CNTN1: variants seen among roughly 807,000 people sequenced by gnomAD.
The protein encoded by CNTN1 is contactin 1.
A neutral mutation model predicts 126.4 loss-of-function variants in CNTN1; 38 were observed. That is an observed-to-expected ratio of 0.30 (90% CI 0.23 to 0.39). The LOEUF is 0.39. Among genes scored for constraint, CNTN1 ranks in the 10% least tolerant of loss-of-function variants. The pLI, the probability that CNTN1 is intolerant of heterozygous loss-of-function variation, is 1.00. For synonymous variants in CNTN1, 413 were observed against 422.6 expected, an observed-to-expected ratio of 0.98 and a Z score of 0.28; for missense variants, 1,009 against 1,248.4, an observed-to-expected ratio of 0.81 and a Z score of 2.89.
chr12:40,735,356 C>T (rs555957379), intron 1 of CNTN1, among the ~76,000 whole-genome samples: 4 of 152,122 alleles, frequency 2.6e-5, no homozygotes, highest in South Asian at 2.1e-4. Flanking sequence ...AAGAAAGAAA[C>T]GTAACTAGAA....
At chr12:40,885,798 T>C (rs1944009328) in intron 1 of CNTN1, among the ~76,000 whole-genome samples, 1 of 152,088 alleles carries the variant, frequency 6.6e-6, no homozygotes, top group South Asian at 2.1e-4. Flanking sequence ...GTATGTCATT[T>C]TGGAAAACTT....
chr12:40,853,785 G>C lies in CNTN1; in HGVS notation c.-76-54572G>C, dbSNP rs113861961. Among the ~76,000 whole-genome samples the C allele has an allele frequency of 1.1e-4, 16 of 151,484 alleles. 1 individual carries two copies. In the South Asian group the frequency reaches 3.3e-3, roughly 32 times the overall value. ...TCTAGCTCCCTCTCTAGCTCTATCC[G>C]TCTCCTTTCCCAAGCCCCTCTGCCC... On this transcript the variant is annotated intron_variant, in intron 1 of 23. Coordinates refer to ENST00000551295, the MANE Select transcript of CNTN1 (RefSeq NM_001843.4).
At chr12:40,973,029 G>A (rs2137050637) in intron 15 of CNTN1, among the ~76,000 whole-genome samples, 1 of 152,036 alleles carries the variant, frequency 6.6e-6, no homozygotes, top group East Asian at 1.9e-4. Context: ...AAATTCTAAA[G>A]GAAATCATAG....
chr12:40,948,366 A>AT (rs1287169744), intron 14 of CNTN1, among the ~76,000 whole-genome samples: 1 of 151,146 alleles, frequency 6.6e-6, no homozygotes, highest in African/African-American at 2.4e-5. Flanking sequence ...AAAAAAAAAA[A>AT]ATCTGGGTAT....
intron 16 of CNTN1, among the ~76,000 whole-genome samples, 166 bp downstream of exon 16, chr12:40,981,233 T>G (rs1242503828): frequency 1.3e-5 from 2 of 152,196 alleles, no homozygotes; most frequent in South Asian, 2.1e-4. Flanking sequence ...GAAAATTACA[T>G]AGAATTTACA....
chr12:40,828,995 CT>C (rs1390734997), intron 1 of CNTN1, among the ~76,000 whole-genome samples: 2 of 152,074 alleles, frequency 1.3e-5, no homozygotes, highest in Non-Finnish European at 2.9e-5. Flanking sequence ...AAAATTACCC[CT>C]ATACAATTAT....
intron 17 of CNTN1, among the ~76,000 whole-genome samples, chr12:40,995,491 A>G (rs976581346): frequency 6.6e-6 from 1 of 152,200 alleles, no homozygotes; most frequent in Non-Finnish European, 1.5e-5. Context: ...AGAAGGAAAA[A>G]ATAATAGAGT....
chr12:40,865,942 G>A (rs1943280232), intron 1 of CNTN1, among the ~76,000 whole-genome samples: 1 of 151,958 alleles, frequency 6.6e-6, no homozygotes, highest in Admixed American at 6.6e-5. Flanking sequence ...TAAGTCTTCT[G>A]AACAACGAAC....
intron 15 of CNTN1, chr12:40,979,279 T>C (rs916064353): frequency 1.3e-5 from 2 of 152,076 alleles, no homozygotes; most frequent in African/African-American, 4.8e-5. Context: ...TTAACATTGG[T>C]GGTGATGTGT....
rs528078745 is a variant in CNTN1 at position 40,886,939 on chromosome 12, G to C, written c.-76-21418G>C. ...TCCATTGATCTATATCTCTGTTTTG[G>C]TACCAGTACCATGCTGTTTTGGTTA... On this transcript the variant is annotated intron_variant, in intron 1 of 23. Transcript: ENST00000551295. Among the ~76,000 whole-genome samples the C allele has an allele frequency of 9.9e-5, 15 of 152,202 alleles. No homozygotes were observed. The South Asian group carries it at 2.9e-3, about 29-fold the overall frequency.
At chr12:40,759,239 G>A (rs1938737072) in intron 1 of CNTN1, among the ~76,000 whole-genome samples, 1 of 151,960 alleles carries the variant, frequency 6.6e-6, no homozygotes, top group Non-Finnish European at 1.5e-5. Context: ...TTCCTGCTCA[G>A]TTTCCCAATA....
intron 3 of CNTN1, among the ~76,000 whole-genome samples, chr12:40,914,960 A>C (rs1945178106): frequency 6.6e-6 from 1 of 152,124 alleles, no homozygotes; most frequent in Admixed American, 6.6e-5. Context: ...TGGCCTCATC[A>C]TTATTAGTAT....
chr12:40,868,093 C>A (rs1425761415), intron 1 of CNTN1, among the ~76,000 whole-genome samples: 1 of 151,824 alleles, frequency 6.6e-6, no homozygotes, highest in African/African-American at 2.4e-5. Context: ...TTACTAAGAT[C>A]TTTTAGATTT....
intron 21 of CNTN1, 24 bp from the exon 22 acceptor site, chr12:41,027,833 A>C: frequency 7.2e-7 from 1 of 1,398,560 alleles, no homozygotes; most frequent in Non-Finnish European, 1.0e-6. Flanking sequence ...GTGACCACTG[A>C]TTGCATATTA....
At chr12:41,069,248 A>G (rs1173236969) in intron 23 of CNTN1, among the ~76,000 whole-genome samples, 1 of 152,160 alleles carries the variant, frequency 6.6e-6, no homozygotes, top group Non-Finnish European at 1.5e-5. Context: ...TCTCAGGGCA[A>G]TTGTTCTTTA....
chr12:40,820,851 T>C (rs1456186979), intron 1 of CNTN1, among the ~76,000 whole-genome samples: 1 of 152,216 alleles, frequency 6.6e-6, no homozygotes, highest in Non-Finnish European at 1.5e-5. Flanking sequence ...ATTGTGTGAT[T>C]ATTCTGGGCA....
chr12:41,018,209 A>G (rs1240129775), intron 19 of CNTN1, among the ~76,000 whole-genome samples: 1 of 152,194 alleles, frequency 6.6e-6, no homozygotes, highest in South Asian at 2.1e-4. Context: ...GGCAATGTAC[A>G]TTTACCCTTG....
chr12:40,905,075 G>A (rs1944760574), intron 1 of CNTN1, among the ~76,000 whole-genome samples: 1 of 152,210 alleles, frequency 6.6e-6, no homozygotes, highest in Admixed American at 6.5e-5. Context: ...GCTAAAGAAT[G>A]GTTGAGCCAA....
chr12:40,763,958 C>T (rs1320840485), intron 1 of CNTN1, among the ~76,000 whole-genome samples: 2 of 152,100 alleles, frequency 1.3e-5, no homozygotes, highest in Non-Finnish European at 2.9e-5. Context: ...TTTCTTATAG[C>T]ATGGGGTGTA....
Sources: allele counts gnomAD v4.1 joint callset (sites outside exome capture counted in the v4.1 genomes callset), GRCh38; gene constraint gnomAD v4.1.1; transcripts MANE v1.5; gene names NCBI Gene and HGNC (gene_info 2026-07-23, HGNC 2026-07-21).